The following MED26 variants were observed in gnomAD, a reference collection of about 807,000 sequenced individuals.
The protein encoded by MED26 is mediator complex subunit 26.
In MED26, 7 loss-of-function variants were observed where a neutral mutation model predicts 43.7. The observed-to-expected ratio is 0.16, with a 90% CI of 0.09 to 0.30. The LOEUF (loss-of-function observed/expected upper bound fraction) is 0.30, where lower values mean the gene tolerates loss of function less well. Ranked by LOEUF, MED26 falls within the 10% of genes least tolerant of loss-of-function variation. The probability of loss-of-function intolerance (pLI) is 1.00; values close to 1 mark genes in which losing one functional copy is unlikely to be tolerated. For missense variants in MED26, 784 were observed against 840.6 expected, an observed-to-expected ratio of 0.93 and a Z score of 0.83; for synonymous variants, 375 against 371.1, an observed-to-expected ratio of 1.01 and a Z score of -0.12.
intron 1 of MED26, among the ~76,000 whole-genome samples, chr19:16,579,009 G>C (rs1374448988): frequency 6.6e-6 from 1 of 152,144 alleles, no homozygotes; most frequent in East Asian, 1.9e-4. Context: ...GCTGAGGCAC[G>C]AGAACCACTT....
intron 1 of MED26, among the ~76,000 whole-genome samples, chr19:16,597,688 C>G (rs1380710680): frequency 6.6e-6 from 1 of 152,238 alleles, no homozygotes; most frequent in South Asian, 2.1e-4. Flanking sequence ...TTGTTCTTGC[C>G]ACATCAGAGC....
chr19:16,588,521 A>AG (rs1703205584), intron 1 of MED26: 1 of 152,372 alleles, frequency 6.6e-6, no homozygotes, highest in African/African-American at 2.4e-5. Flanking sequence ...TAGCTGTAGC[A>AG]GGGGACCGCA....
At chr19:16,598,780 C>G (rs1460107034) in intron 1 of MED26, among the ~76,000 whole-genome samples, 1 of 152,174 alleles carries the variant, frequency 6.6e-6, no homozygotes, top group Non-Finnish European at 1.5e-5. Context: ...GACCCATCAT[C>G]TGTAATAACC....
rs1485505220 is a variant in MED26 at position 16,587,068 on chromosome 19, T to C, written c.73-8659A>G. On this transcript the variant is annotated intron_variant, in intron 1 of 2. Transcript: ENST00000263390. This position sits in a 1 kb window ranked among gnomAD's most constrained non-coding sequence, Gnocchi z 4.9. ...CCAGAAACAGACAGTCTGCCTTCAA[T>C]GTGCTAAGCATTCTAATGCCGTCCG... 2.0e-5 allele frequency: 3 copies of C among 152,244 alleles called. No individual in the cohort carries two copies. The East Asian group carries it at 5.8e-4, about 29-fold the overall frequency. 9.4% of individuals were successfully genotyped at this position (152,244 alleles called of 1,614,324 possible). A position where few individuals can be genotyped will look rare whatever the true frequency, so the allele number is the denominator to read the frequency against.
intron 1 of MED26, among the ~76,000 whole-genome samples, chr19:16,619,172 AC>A (rs1478748113): frequency 6.6e-6 from 1 of 152,180 alleles, no homozygotes; most frequent in Non-Finnish European, 1.5e-5. Context: ...ACCAATGACC[AC>A]CCAAAAGGAT....
At chr19:16,581,317 C>T (rs539715352) in intron 1 of MED26, among the ~76,000 whole-genome samples, 1 of 152,278 alleles carries the variant, frequency 6.6e-6, no homozygotes, top group East Asian at 1.9e-4. Flanking sequence ...CCGCACTCCT[C>T]GTGCAATGGG....
chr19:16,608,013 A>G (rs2086182170), intron 1 of MED26, among the ~76,000 whole-genome samples: 2 of 152,256 alleles, frequency 1.3e-5, no homozygotes, highest in Non-Finnish European at 1.5e-5. Context: ...TGTGGCCTGA[A>G]GCCCGGCAAG....
In MED26 at chr19:16,577,756, A is replaced by T; in HGVS notation, c.148-74T>A. On this transcript the variant is annotated intron_variant, in intron 2 of 2. Transcript: ENST00000263390. The surrounding 1 kb of genome is among the most constrained non-coding windows in gnomAD (Gnocchi z 8.1). ...CATGAGCTGAGCCAGAAATGGTGGG[A>T]AGTGGCCCTGACAGTGAAATGACCC... 1 of 1,274,542 alleles carries T rather than the reference A, an allele frequency of 7.8e-7. No homozygotes were observed. Among genetic ancestry groups the T allele is most frequent in the East Asian group, 2.4e-5 (1 of 41,988 alleles). 79.0% of individuals were successfully genotyped at this position (1,274,542 alleles called of 1,614,324 possible). A position where few individuals can be genotyped will look rare whatever the true frequency, so the allele number is the denominator to read the frequency against.
intron 1 of MED26, among the ~76,000 whole-genome samples, chr19:16,584,394 G>A (rs1360007648): frequency 6.6e-6 from 1 of 151,888 alleles, no homozygotes; most frequent in Non-Finnish European, 1.5e-5. Context: ...CCCATAGCCT[G>A]TGCTAAGCCA....
intron 1 of MED26, among the ~76,000 whole-genome samples, chr19:16,602,923 C>T (rs1481545417): frequency 6.6e-6 from 1 of 152,162 alleles, no homozygotes; most frequent in Admixed American, 6.5e-5. Context: ...ACCACACAAC[C>T]ATGTGAGTGT....
chr19:16,606,122 G>A (rs1176299025), intron 1 of MED26, among the ~76,000 whole-genome samples: 3 of 152,262 alleles, frequency 2.0e-5, no homozygotes, highest in Non-Finnish European at 2.9e-5. Flanking sequence ...GAATCCACAC[G>A]CCTGGGCCCA....
At chr19:16,593,682 G>A (rs1030223409) in intron 1 of MED26, among the ~76,000 whole-genome samples, 4 of 152,090 alleles carry the variant, frequency 2.6e-5, no homozygotes, top group Non-Finnish European at 5.9e-5. Context: ...CCCGTTGTCA[G>A]CTGTCACCTG....
chr19:16,589,606 G>T (rs1209131742), intron 1 of MED26, among the ~76,000 whole-genome samples: 1 of 152,204 alleles, frequency 6.6e-6, no homozygotes, highest in Non-Finnish European at 1.5e-5. Context: ...GTAGTGGCAG[G>T]CAGAGAATGA....
At chr19:16,623,528 T>C (rs899244644) in intron 1 of MED26, among the ~76,000 whole-genome samples, 1 of 152,206 alleles carries the variant, frequency 6.6e-6, no homozygotes, top group Non-Finnish European at 1.5e-5. Context: ...TCCACATCGG[T>C]TGCTAGTTGC....
At chr19:16,626,346 T>C (rs2122466973) in intron 1 of MED26, among the ~76,000 whole-genome samples, 1 of 152,326 alleles carries the variant, frequency 6.6e-6, no homozygotes, top group South Asian at 2.1e-4. Context: ...TATCCTCTAA[T>C]ATTTCAGTCT....
At position 16,576,078 on chromosome 19, in the gene MED26, C is replaced by G; in HGVS notation, c.1752G>C (p.Pro584=). Residue 584 remains proline, a synonymous_variant, in exon 3 of 3, where the codon CCG becomes CCC. Transcript: ENST00000263390. The surrounding 1 kb of genome is among the most constrained non-coding windows in gnomAD (Gnocchi z 6.8). The stretch of plus-strand genomic sequence containing the variant: ...TGTTCAAGCGCCCGTCGTCGCCGTG[C>G]GGATCGAGCGATATGCACTGCGTCC... ...YDWTQCISLD[P]HGDDGRLNIL... The G allele has an allele frequency of 1.2e-6, 2 of 1,613,824 alleles. No individual in the cohort carries two copies. Among genetic ancestry groups the G allele is most frequent in the Non-Finnish European group, 1.7e-6 (2 of 1,180,018 alleles).
intron 1 of MED26, among the ~76,000 whole-genome samples, chr19:16,623,627 AT>A (rs2086261073): frequency 6.6e-6 from 1 of 152,134 alleles, no homozygotes; most frequent in Non-Finnish European, 1.5e-5. Context: ...ACCCTGTTAG[AT>A]GTAACATAGG....
intron 1 of MED26, among the ~76,000 whole-genome samples, chr19:16,603,830 C>T (rs984864197): frequency 2.6e-5 from 4 of 152,060 alleles, no homozygotes; most frequent in East Asian, 1.9e-4. Context: ...GAGAGGACCC[C>T]GAGGTTGGAA....
intron 1 of MED26, chr19:16,610,391 TTTC>T (rs763479943): frequency 3.3e-5 from 5 of 151,874 alleles, no homozygotes; most frequent in Non-Finnish European, 5.9e-5. Context: ...TTCCTTATAA[TTTC>T]TTTTTTTTTT....
Sources: allele counts gnomAD v4.1 joint callset (sites outside exome capture counted in the v4.1 genomes callset), GRCh38; gene constraint gnomAD v4.1.1; non-coding constraint Gnocchi (gnomAD v3.1); transcripts MANE v1.5; gene names NCBI Gene and HGNC (gene_info 2026-07-23, HGNC 2026-07-21).